The following MOGS variants were observed in gnomAD, a reference collection of about 807,000 sequenced individuals.
MOGS encodes mannosyl-oligosaccharide glucosidase.
In MOGS, 45 loss-of-function variants were observed where a neutral mutation model predicts 68.5. The observed-to-expected ratio is 0.66, with a 90% confidence interval of 0.52 to 0.84. The LOEUF is 0.84. MOGS is among the 40% of genes least tolerant of loss of function. The pLI is 0.00. For synonymous variants in MOGS, 492 were observed against 461.2 expected (o/e 1.07, Z -0.86); for missense variants, 1,020 against 1,095.0 (o/e 0.93, Z 0.97).
chr2:74,462,948 G>A lies in MOGS; in HGVS notation c.841C>T (p.Leu281=), dbSNP rs1312906108. The A allele has an allele frequency of 6.2e-7, 1 of 1,614,224 alleles. No individual in the cohort carries two copies. The highest frequency in any genetic ancestry group is 8.5e-7 in the Non-Finnish European group (1 of 1,180,044). ...GGCCGATGCTGAAACCAGCTATTTA[G>A]GCGACTCTTTACCATCTCTGTCAGC... ...PLLTEMVKSR[L]NSWFQHRPPG... The change falls in exon 4 of 4, where the codon CTA becomes TTA. Residue 281 remains leucine (L), a synonymous_variant. Transcript: ENST00000448666.
At position 74,462,266 on chromosome 2, in the gene MOGS, A is replaced by G. The variant is rs753074628; in HGVS notation, c.1523T>C (p.Val508Ala). ...VPPEFLVQRA[V>A]HANPPTLLLP... ...AAGTAGGGTTGGGGGGTTGGCGTGG[A>G]CTGCTCGTTGTACTAGGAATTCTGG... Residue 508 changes from valine to alanine, a missense_variant, in exon 4 of 4, where the codon GTC becomes GCC. Coordinates refer to ENST00000448666, the MANE Select transcript of MOGS (RefSeq NM_006302.3). The G allele has an allele frequency of 1.9e-6, 3 of 1,613,782 alleles. No individual in the cohort carries two copies. The African/African-American group carries it at 4.0e-5, about 22-fold the overall frequency.
Position 74,464,945 on chromosome 2 carries a change from A to C in MOGS, c.303T>G (p.Pro101=). ...APDLFWGTYR[P]HVYFGMKTRS... ...GGGTCTTCATGCCGAAGTAGACGTG[A>C]GGGCGGTAGGTTCCCCAGAAGAGGT... is the stretch of plus-strand genomic sequence containing the variant. The change falls in exon 1 of 4, where the codon CCT becomes CCG. Residue 101 remains proline (P), a synonymous_variant. Transcript: ENST00000448666. The C allele has an allele frequency of 3.1e-6, 5 of 1,597,438 alleles. No individual in the cohort carries two copies. In the South Asian group the frequency reaches 5.6e-5, roughly 18 times the overall value.
At chr2:74,464,420 T>C in intron 2 of MOGS, 76 bp downstream of exon 2, 1 of 1,462,452 alleles carries the variant, frequency 6.8e-7, no homozygotes, top group South Asian at 1.1e-5. Context: ...AGAGCCCACT[T>C]CATGCTGCAT....
chr2:74,463,360 C>T lies in MOGS; in HGVS notation c.606G>A (p.Leu202=). ...TCACCACATAGAAGAACAGGGAGAC[C>T]AAAGGGAGGGCAGAAGTACCTGAGT... is the stretch of plus-strand genomic sequence containing the variant. ...PQDSGTSALP[L]VSLFFYVVTD... Residue 202 remains leucine (L), a synonymous_variant, in exon 3 of 4, where the codon TTG becomes TTA. Coordinates refer to ENST00000448666, the MANE Select transcript of MOGS (RefSeq NM_006302.3). 6.2e-7 allele frequency: 1 copy of T among 1,614,102 alleles called. No homozygotes were observed. The highest frequency in any genetic ancestry group is 8.5e-7 in the Non-Finnish European group (1 of 1,180,036).
At chr2:74,464,843 T>G in intron 1 of MOGS, 53 bp downstream of exon 1, 1 of 1,577,882 alleles carries the variant, frequency 6.3e-7, no homozygotes. Context: ...CGCTTCAAGC[T>G]GGGGCGCCCA....
rs1221388589 is a variant in MOGS, at chr2:74,462,386, C to T, written c.1403G>A (p.Arg468Gln). 16 of 1,613,950 alleles carry T rather than the reference C, an allele frequency of 9.9e-6. No homozygotes were observed. Among genetic ancestry groups the T allele is most frequent in the South Asian group, 3.3e-5 (3 of 91,088 alleles). ...CCCCAGCCAGTGGCCAAGGGCTTCC[C>T]GGGTGAGGGAGGGATCCCACCGCTG... ...VVQRWDPSLT[R>Q]EALGHWLGLL... Residue 468 changes from arginine to glutamine, a missense_variant, in exon 4 of 4, where the codon CGG (arginine) becomes CAG (glutamine). Transcript: ENST00000448666.
In MOGS at chr2:74,465,226, G is replaced by T; in HGVS notation, c.22C>A (p.Arg8Ser). ...ACTCCCTCTGCCGGCACTGCGCGGC[G>T]CCGCCGCTCGCCCCGAGCCATCCTG... MARGERRRRAVPAEGVRT... is the reference protein window; with the variant it reads MARGERRSRAVPAEGVRT... Residue 8 changes from arginine (R) to serine (S), a missense_variant, in exon 1 of 4, where the codon CGC becomes AGC. Arg to Ser is a moderately radical substitution (Grantham distance 110). Coordinates refer to ENST00000448666, the MANE Select transcript of MOGS (RefSeq NM_006302.3). 6.9e-7 allele frequency: 1 copy of T among 1,446,178 alleles called. No homozygotes were observed. Among genetic ancestry groups the T allele is most frequent in the East Asian group, 2.7e-5 (1 of 37,620 alleles). 89.6% of individuals were successfully genotyped at this position (1,446,178 alleles called of 1,614,324 possible).
chr2:74,463,081 CAA>C, intron 3 of MOGS, 69 bp from the exon 4 acceptor site: 2 of 1,611,380 alleles, frequency 1.2e-6, no homozygotes, highest in Non-Finnish European at 8.5e-7. Context: ...AAGAGAAATA[CAA>C]AGTGTTCAGG....
At chr2:74,464,802 C>T in intron 1 of MOGS, 80 bp from the exon 2 acceptor site, 4 of 1,561,728 alleles carry the variant, frequency 2.6e-6, no homozygotes, top group Non-Finnish European at 3.5e-6. Context: ...CTTCATAACT[C>T]TCCTGATCCA....
In MOGS at chr2:74,461,430, GC is replaced by G. The variant is rs756850928; in HGVS notation, c.2358del (p.Glu786AspfsTer7). ...HQARAAKLHGELRANVVGNVW... is the reference protein window; with the variant it reads ...HQARAAKLHGXLRANVVGNVW... ...ACATTGCCTACCACGTTGGCACGGA[GC>G]TCACCGTGGAGTTTGGCAGCCCGAG... On this transcript the variant is annotated frameshift_variant, in exon 4 of 4. Transcript: ENST00000448666. LOFTEE classifies it high-confidence loss of function. 2.2e-5 allele frequency: 35 copies of G among 1,614,118 alleles called. No individual in the cohort carries two copies. Among genetic ancestry groups the G allele is most frequent in the Non-Finnish European group, 2.7e-5 (32 of 1,180,052 alleles).
In MOGS at chr2:74,461,810, T is replaced by C; in HGVS notation, c.1979A>G (p.Lys660Arg). The C allele has an allele frequency of 6.2e-7, 1 of 1,614,112 alleles. No individual in the cohort carries two copies. The highest frequency in any genetic ancestry group is 8.5e-7 in the Non-Finnish European group (1 of 1,180,016). Residue 660 changes from lysine to arginine, a missense_variant, in exon 4 of 4, where the codon AAA becomes AGA. Physicochemically the swap from Lys to Arg is conservative, Grantham distance 26. This residue lies in a region of MOGS where 270 missense variants were observed against 261.3 expected (regional missense o/e 1.03). Coordinates refer to ENST00000448666, the MANE Select transcript of MOGS (RefSeq NM_006302.3). ...GGGCCTGGGCTTCAGCTGTACTGCTTTTGTGTGGTTCCCAAAGTCTGCAAA... is the reference window on the plus strand; with the variant it reads ...GGGCCTGGGCTTCAGCTGTACTGCTCTTGTGTGGTTCCCAAAGTCTGCAAA... ...GVFADFGNHT[K>R]AVQLKPRPPQ...
intron 2 of MOGS, chr2:74,463,617 A>G (rs1389083414): frequency 2.0e-6 from 1 of 511,270 alleles, no homozygotes; most frequent in East Asian, 3.7e-5. Context: ...CTTTTGTACT[A>G]TGTCCTACAC....
At position 74,464,999 on chromosome 2, in the gene MOGS, G is replaced by T; in HGVS notation, c.249C>A (p.Ala83=). ...GGGCCACGGCGGGGCTGGAGGAGTC[G>T]GCAGGCAACACAGGAGGCGCGGAGT... ...TLHSAPPVLP[A]DSSSPAVAPD... The change falls in exon 1 of 4, where the codon GCC becomes GCA. Residue 83 remains alanine (A), a synonymous_variant. Coordinates refer to ENST00000448666, the MANE Select transcript of MOGS (RefSeq NM_006302.3). 3.9e-6 allele frequency: 6 copies of T among 1,557,540 alleles called. No homozygotes were observed. Among genetic ancestry groups the T allele is most frequent in the Non-Finnish European group, 5.2e-6 (6 of 1,150,632 alleles).
Position 74,463,205 on chromosome 2 carries a change from G to C in MOGS, c.761C>G (p.Ala254Gly). Reference protein sequence around the residue: ...LLPPTSPGDTAPKYGSYNVFW... With the variant: ...LLPPTSPGDTGPKYGSYNVFW... ...CCCCAGTTACCTGCCATACTTGGGGGCTGTATCCCCTGGACTGGTTGGTGG... is the reference window on the plus strand; with the variant it reads ...CCCCAGTTACCTGCCATACTTGGGGCCTGTATCCCCTGGACTGGTTGGTGG... The change falls in exon 3 of 4, where the codon GCC (alanine) becomes GGC (glycine). Residue 254 changes from alanine (A) to glycine (G), a missense_variant. This residue lies in a region of MOGS where 569 missense variants were observed against 571.9 expected (regional missense o/e 0.99). Coordinates refer to ENST00000448666, the MANE Select transcript of MOGS (RefSeq NM_006302.3). The C allele has an allele frequency of 6.2e-7, 1 of 1,614,138 alleles. No individual in the cohort carries two copies.
rs561907941 is a variant in MOGS at position 74,465,357 on chromosome 2, A to G, written c.-110T>C. ...TCGCCCTGGCGACCACCGTCCGGTT[A>G]GCGACACCTGCCAGCCAGCGCCTGC... On this transcript the variant is annotated 5_prime_UTR_variant, in exon 1 of 4. Transcript: ENST00000448666. The G allele has an allele frequency of 1.1e-5, 6 of 535,376 alleles. No individual in the cohort carries two copies. Among genetic ancestry groups the G allele is most frequent in the Non-Finnish European group, 1.8e-5 (6 of 334,538 alleles). 33.2% of individuals were successfully genotyped at this position (535,376 alleles called of 1,614,324 possible).
rs746601093 is a variant in MOGS at position 74,462,306 on chromosome 2, G to A, written c.1483C>T (p.Arg495Ter). The change falls in exon 4 of 4, where the codon CGA becomes TGA. Residue 495 changes from arginine to a stop codon, truncating the protein, a stop_gained. Coordinates refer to ENST00000448666, the MANE Select transcript of MOGS (RefSeq NM_006302.3). LOFTEE classifies it high-confidence loss of function. ...GREQILGDEA[R>*]ARVPPEFLVQ... Reference sequence around the variant, plus strand: ...AGGAATTCTGGAGGCACCCGGGCTCGGGCCTCATCCCCCAGTATCTGCTCC... The same window carrying A: ...AGGAATTCTGGAGGCACCCGGGCTCAGGCCTCATCCCCCAGTATCTGCTCC... The A allele has an allele frequency of 2.5e-5, 41 of 1,613,712 alleles. No individual in the cohort carries two copies. The highest frequency in any genetic ancestry group is 3.4e-5 in the Non-Finnish European group (40 of 1,180,026).
intron 2 of MOGS, among the ~76,000 whole-genome samples, chr2:74,464,175 TCTGGAACTCCTGAC>T (rs1672004424): frequency 6.6e-6 from 1 of 151,076 alleles, no homozygotes; most frequent in South Asian, 2.1e-4. Context: ...GTCAGGCTGG[TCTGGAACTCCTGAC>T]CTCAGGTGAT....
At chr2:74,463,508 A>G in intron 2 of MOGS, 122 bp from the exon 3 acceptor site, 1 of 1,045,958 alleles carries the variant, frequency 9.6e-7, no homozygotes, top group South Asian at 1.3e-5. Flanking sequence ...TAAACAACAT[A>G]CGTCTGGCAG....
chr2:74,463,431 TTC>T (rs745376366), intron 2 of MOGS, 45 bp from the exon 3 acceptor site: 1 of 1,584,972 alleles, frequency 6.3e-7, no homozygotes, highest in Non-Finnish European at 8.7e-7. Context: ...TAGATTGGCA[TTC>T]TCTCTTGAAT....
Sources: gnomAD v4.1 joint callset for allele counts (sites outside exome capture counted in the v4.1 genomes callset) on GRCh38, gnomAD v4.1.1 for gene constraint, gnomAD v4.1.1 regional missense constraint, MANE v1.5 for transcripts, NCBI Gene and HGNC (gene_info 2026-07-23, HGNC 2026-07-21) for gene names.